LBR: variants seen among roughly 807,000 people sequenced by gnomAD.
LBR encodes delta(14)-sterol reductase LBR.
Under a neutral mutation model 74.3 loss-of-function variants are expected in LBR, and 28 were observed. The ratio of observed to expected loss-of-function variants is 0.38; its 90% CI spans 0.28 to 0.52. The LOEUF is 0.52. Ranked by LOEUF, LBR falls within the 20% of genes least tolerant of loss-of-function variation. The pLI is 0.89. For synonymous variants in LBR, 228 were observed against 269.3 expected (o/e 0.85, Z 1.50); for missense variants, 717 against 760.3 (o/e 0.94, Z 0.67).
chr1:225,419,902 T>A, intron 3 of LBR, 104 bp from the exon 4 acceptor site: 1 of 836,080 alleles, frequency 1.2e-6, no homozygotes, highest in East Asian at 2.4e-5. Context: ...TAAAACAGAT[T>A]TTTCACAGCC....
rs982761724 is a variant in LBR at position 225,418,216 on chromosome 1, T to A, written c.641-36A>T. On this transcript the variant is annotated intron_variant, in intron 5 of 13. Transcript: ENST00000272163. ...TTCATGAACATTCGAGGCTCAAATT[T>A]CAATCTGGTTTATTTATTTAAGAAT... The A allele has an allele frequency of 5.7e-6, 9 of 1,573,510 alleles. No homozygotes were observed. The African/African-American group carries it at 8.2e-5, about 14-fold the overall frequency.
intron 6 of LBR, 182 bp downstream of exon 6, chr1:225,417,802 C>A: frequency 1.7e-6 from 1 of 601,990 alleles, no homozygotes. Flanking sequence ...GGAATTATGA[C>A]CAACAACAGC....
chr1:225,415,061 A>G (rs933370626), intron 7 of LBR, among the ~76,000 whole-genome samples: 3 of 152,364 alleles, frequency 2.0e-5, no homozygotes, highest in African/African-American at 2.4e-5. Context: ...TATTAAGAAA[A>G]TAAAACTGGA....
At position 225,406,639 on chromosome 1, in the gene LBR, AACTGAG is replaced by A. The variant is rs2096092244; in HGVS notation, c.1483+19_1483+24del. 8 of 1,592,838 alleles carry A rather than the reference AACTGAG, an allele frequency of 5.0e-6. No homozygotes were observed. The highest frequency in any genetic ancestry group is 1.4e-5 in the African/African-American group (1 of 73,988). On this transcript the variant is annotated intron_variant, in intron 11 of 13. Coordinates refer to ENST00000272163, the MANE Select transcript of LBR (RefSeq NM_002296.4). ...TCAGTACATAATATTTAATAAATTAAACTGAGACTAAAATTAATACTCACGTTTCAG... is the reference window on the plus strand; with the variant it reads ...TCAGTACATAATATTTAATAAATTAAACTAAAATTAATACTCACGTTTCAG...
chr1:225,412,414 T>C, intron 8 of LBR, 40 bp downstream of exon 8: 2 of 1,590,436 alleles, frequency 1.3e-6, no homozygotes, highest in Non-Finnish European at 1.7e-6. Context: ...TGGAGGGCTC[T>C]GGGACGCATT....
At chr1:225,422,019 G>T in intron 3 of LBR, 58 bp downstream of exon 3, 1 of 1,488,030 alleles carries the variant, frequency 6.7e-7, no homozygotes, top group Admixed American at 1.7e-5. Context: ...CAAGTAACTT[G>T]AGTAAATATA....
intron 12 of LBR, 46 bp from the exon 13 acceptor site, chr1:225,404,572 G>C (rs1558648973): frequency 6.4e-7 from 1 of 1,568,602 alleles, no homozygotes; most frequent in Non-Finnish European, 8.7e-7. Flanking sequence ...GAGACAAAAA[G>C]AAAAATAAAA....
intron 2 of LBR, 100 bp downstream of exon 2, chr1:225,423,811 T>C (rs1166180477): frequency 5.8e-6 from 7 of 1,197,096 alleles, no homozygotes; most frequent in Non-Finnish European, 8.6e-6. Context: ...TCCTCTGCCT[T>C]CAAACCGAGC....
At chr1:225,420,415 A>C (rs2096125711) in intron 3 of LBR, among the ~76,000 whole-genome samples, 1 of 152,190 alleles carries the variant, frequency 6.6e-6, no homozygotes. Flanking sequence ...GAAAGTAAAA[A>C]TTGGTAAATT....
At chr1:225,405,738 A>T (rs2096090149) in intron 11 of LBR, among the ~76,000 whole-genome samples, 1 of 152,236 alleles carries the variant, frequency 6.6e-6, no homozygotes, top group Non-Finnish European at 1.5e-5. Context: ...GCAGCACAAA[A>T]CAAACTAAGA....
chr1:225,413,241 G>A (rs751300714), intron 7 of LBR, among the ~76,000 whole-genome samples: 3 of 152,246 alleles, frequency 2.0e-5, no homozygotes, highest in African/African-American at 4.8e-5. Flanking sequence ...AGGGGACTGC[G>A]AGTACCTGGG....
At chr1:225,418,962 C>G (rs1004674509) in intron 5 of LBR, among the ~76,000 whole-genome samples, 19 of 152,204 alleles carry the variant, frequency 1.2e-4, no homozygotes, top group Non-Finnish European at 2.5e-4. Flanking sequence ...ATACAAACTC[C>G]CAGATCAACC....
intron 9 of LBR, among the ~76,000 whole-genome samples, chr1:225,410,968 G>C (rs2096104022): frequency 6.6e-6 from 1 of 152,192 alleles, no homozygotes; most frequent in East Asian, 1.9e-4. Flanking sequence ...GAAACAGAAT[G>C]AAGGGTGGAA....
At chr1:225,425,512 G>A (rs1271176931) in intron 1 of LBR, among the ~76,000 whole-genome samples, 2 of 152,186 alleles carry the variant, frequency 1.3e-5, no homozygotes, top group Non-Finnish European at 2.9e-5. Context: ...TTTTCGGGAT[G>A]AAGTCAGGCC....
Position 225,404,138 on chromosome 1 carries a change from C to A in LBR, c.1687+266G>T, listed in dbSNP as rs58277997. Among the ~76,000 whole-genome samples, 290 of 152,166 alleles carry A rather than the reference C, an allele frequency of 1.9e-3. 1 individual carries two copies. The highest frequency in any genetic ancestry group is 6.5e-3 in the African/African-American group (269 of 41,492). On this transcript the variant is annotated intron_variant, in intron 13 of 13. Coordinates refer to ENST00000272163, the MANE Select transcript of LBR (RefSeq NM_002296.4). ...ATGAATTAAGAAGCTGAATTAATTT[C>A]TATATATTCTACTTAGAAAAAAGCT...
At chr1:225,406,082 C>A (rs999402268) in intron 11 of LBR, among the ~76,000 whole-genome samples, 1 of 152,182 alleles carries the variant, frequency 6.6e-6, no homozygotes, top group Non-Finnish European at 1.5e-5. Flanking sequence ...CACTTCCCCA[C>A]CACACACCCT....
chr1:225,416,683 C>T (rs1201800227), intron 6 of LBR, among the ~76,000 whole-genome samples: 1 of 152,246 alleles, frequency 6.6e-6, no homozygotes, highest in Non-Finnish European at 1.5e-5. Context: ...ACGGGATCCA[C>T]ATCCATGGAT....
intron 1 of LBR, 104 bp from the exon 2 acceptor site, chr1:225,424,193 G>C: frequency 3.2e-6 from 3 of 923,890 alleles, no homozygotes. Context: ...AGAATTGACT[G>C]GTCAGGATTT....
At chr1:225,413,871 T>A (rs552266730) in intron 7 of LBR, 2 of 438,046 alleles carry the variant, frequency 4.6e-6, no homozygotes, top group South Asian at 1.6e-5. Flanking sequence ...CTCCAAGAGC[T>A]CCATGTCCAA....
Sources: allele counts gnomAD v4.1 joint callset (sites outside exome capture counted in the v4.1 genomes callset), GRCh38; gene constraint gnomAD v4.1.1; transcripts MANE v1.5; gene names NCBI Gene and HGNC (gene_info 2026-07-23, HGNC 2026-07-21).